Variants in REC114 observed in about 807,000 individuals in gnomAD.
The protein encoded by REC114 is REC114 meiotic recombination protein.
A neutral mutation model predicts 31.3 loss-of-function variants in REC114; 27 were observed. The ratio of observed to expected loss-of-function variants is 0.86; its 90% CI spans 0.64 to 1.19. The LOEUF is 1.19. Ranked by LOEUF, REC114 falls within the 50% of genes most tolerant of loss-of-function variation. The pLI is 0.00. For missense variants in REC114, 344 were observed against 326.9 expected (o/e 1.05, Z -0.40); for synonymous variants, 134 against 127.7 (o/e 1.05, Z -0.33).
intron 1 of REC114, among the ~76,000 whole-genome samples, chr15:73,456,791 C>G (rs1284537349): frequency 6.6e-6 from 1 of 152,084 alleles, no homozygotes; most frequent in Non-Finnish European, 1.5e-5. Context: ...CTTTTCTTGT[C>G]TGTAAAATCT....
At chr15:73,503,084 C>G (rs1051077966) in intron 2 of REC114, among the ~76,000 whole-genome samples, 2 of 152,212 alleles carry the variant, frequency 1.3e-5, no homozygotes, top group Non-Finnish European at 2.9e-5. Flanking sequence ...CAAAAGGATA[C>G]AGCCACTTGG....
intron 2 of REC114, among the ~76,000 whole-genome samples, chr15:73,498,219 A>G (rs1046448411): frequency 6.6e-6 from 1 of 151,524 alleles, no homozygotes; most frequent in Non-Finnish European, 1.5e-5. Flanking sequence ...AATACTGTGT[A>G]CAGAAGTCCT....
intron 1 of REC114, among the ~76,000 whole-genome samples, chr15:73,461,213 C>G (rs753611787): frequency 6.6e-6 from 1 of 151,682 alleles, no homozygotes; most frequent in Non-Finnish European, 1.5e-5. Context: ...ATTTTATTGT[C>G]TGGTAATTGG....
chr15:73,477,255 G>A (rs937514210), intron 2 of REC114, among the ~76,000 whole-genome samples: 1 of 152,080 alleles, frequency 6.6e-6, no homozygotes, highest in Admixed American at 6.6e-5. Flanking sequence ...TCTTTTATCA[G>A]AAATGTGTTC....
chr15:73,546,057 G>T (rs1894304465), intron 3 of REC114, among the ~76,000 whole-genome samples: 1 of 152,002 alleles, frequency 6.6e-6, no homozygotes. Flanking sequence ...TGATAATCTG[G>T]GGATTATCCA....
intron 2 of REC114, among the ~76,000 whole-genome samples, chr15:73,481,650 CTTTTTTTTTTTTTTTTT>C (rs530704232): frequency 8.8e-6 from 1 of 114,060 alleles, no homozygotes; most frequent in Non-Finnish European, 1.8e-5. Flanking sequence ...TCTTAACTCC[CTTTTTTTTTTTTTTTTT>C]TTTTTTTTTG....
chr15:73,470,234 C>T (rs1401478838), intron 1 of REC114, among the ~76,000 whole-genome samples: 2 of 151,974 alleles, frequency 1.3e-5, no homozygotes, highest in Admixed American at 6.6e-5. Context: ...TCTTGCCTTT[C>T]GTTTGGATAA....
At chr15:73,463,993 A>G (rs1477022157) in intron 1 of REC114, among the ~76,000 whole-genome samples, 3 of 152,066 alleles carry the variant, frequency 2.0e-5, no homozygotes, top group Non-Finnish European at 4.4e-5. Context: ...AACCGTTTGT[A>G]TCTTCAGTCT....
intron 2 of REC114, among the ~76,000 whole-genome samples, chr15:73,521,457 A>C (rs1893934710): frequency 6.6e-6 from 1 of 152,198 alleles, no homozygotes; most frequent in Non-Finnish European, 1.5e-5. Context: ...AAAGAACAGT[A>C]AATCAAACCT....
chr15:73,537,322 G>A (rs1206952348), intron 2 of REC114, among the ~76,000 whole-genome samples: 1 of 152,126 alleles, frequency 6.6e-6, no homozygotes, highest in African/African-American at 2.4e-5. Flanking sequence ...TTAGGGGGAA[G>A]AGGCAGAAGA....
chr15:73,492,674 C>G (rs1421327988), intron 2 of REC114, among the ~76,000 whole-genome samples: 1 of 152,192 alleles, frequency 6.6e-6, no homozygotes, highest in African/African-American at 2.4e-5. Context: ...TCTATGAACA[C>G]ACTTTGAGGG....
intron 2 of REC114, among the ~76,000 whole-genome samples, chr15:73,514,176 C>T (rs1314681195): frequency 2.0e-5 from 3 of 151,358 alleles, no homozygotes; most frequent in Non-Finnish European, 4.4e-5. Context: ...GTCTGAAAAG[C>T]GCAATATTCG....
At chr15:73,448,244 A>G (rs911266670) in intron 1 of REC114, among the ~76,000 whole-genome samples, 1 of 152,068 alleles carries the variant, frequency 6.6e-6, no homozygotes, top group Non-Finnish European at 1.5e-5. Flanking sequence ...CCTAAGATCC[A>G]CTGGCTTGCA....
chr15:73,550,135 G>A (rs1894367598), intron 3 of REC114, among the ~76,000 whole-genome samples: 1 of 152,190 alleles, frequency 6.6e-6, no homozygotes, highest in African/African-American at 2.4e-5. Flanking sequence ...AGGCTTTTAT[G>A]TAGGTTGACT....
chr15:73,551,202 A>G (rs1442691794), intron 4 of REC114, 52 bp downstream of exon 4: 1 of 1,484,374 alleles, frequency 6.7e-7, no homozygotes, highest in African/African-American at 1.4e-5. Flanking sequence ...TGCAGTGCAC[A>G]ATGAGTGGCC....
intron 1 of REC114, among the ~76,000 whole-genome samples, chr15:73,447,496 A>G (rs1892781170): frequency 6.6e-6 from 1 of 151,962 alleles, no homozygotes; most frequent in Non-Finnish European, 1.5e-5. Context: ...TTGAGGTCAG[A>G]AGTTCAGACC....
chr15:73,488,690 T>C (rs997840113), intron 2 of REC114, among the ~76,000 whole-genome samples: 1 of 152,214 alleles, frequency 6.6e-6, no homozygotes. Context: ...AAATGGTCTT[T>C]ACTGTCCATA....
intron 2 of REC114, among the ~76,000 whole-genome samples, chr15:73,498,132 T>A (rs926061500): frequency 1.3e-5 from 2 of 152,142 alleles, no homozygotes; most frequent in Admixed American, 1.3e-4. Context: ...CACAAAACCA[T>A]AAGGTGTTAT....
In REC114 at chr15:73,551,054, T is replaced by A. The variant is rs1311804536; in HGVS notation, c.450T>A (p.Asp150Glu). The change falls in exon 4 of 6, where the codon GAT (aspartate) becomes GAA (glutamate). Residue 150 changes from aspartate to glutamate, a missense_variant. By Grantham distance (45) the Asp-to-Glu change is conservative (BLOSUM62 2). Transcript: ENST00000331090. ...AATACATAACCGTGCAGGTGCCTGA[T>A]GGAAACATCCAGGAGCTTCAGCTGA... ...LAQYITVQVP[D>E]GNIQELQLIP... 6.2e-7 allele frequency: 1 copy of A among 1,613,846 alleles called. No homozygotes were observed. Among genetic ancestry groups the A allele is most frequent in the African/African-American group, 1.3e-5 (1 of 75,046 alleles).
Sources: allele counts gnomAD v4.1 joint callset (sites outside exome capture counted in the v4.1 genomes callset), GRCh38; gene constraint gnomAD v4.1.1; transcripts MANE v1.5; gene names NCBI Gene and HGNC (gene_info 2026-07-23, HGNC 2026-07-21).